RBFOX2: variants seen among roughly 807,000 people sequenced by gnomAD.
The protein encoded by RBFOX2 is RNA binding protein fox-1 homolog 2.
RBFOX2 carries 10 observed loss-of-function variants against 49.1 expected under a neutral mutation model. The observed-to-expected ratio is 0.20, with a 90% confidence interval of 0.13 to 0.35. The LOEUF (loss-of-function observed/expected upper bound fraction) is 0.35, where lower values mean the gene tolerates loss of function less well. Ranked by LOEUF, RBFOX2 falls within the 10% of genes least tolerant of loss-of-function variation. The probability of loss-of-function intolerance (pLI) is 1.00; values close to 1 mark genes in which losing one functional copy is unlikely to be tolerated. For synonymous variants in RBFOX2, 183 were observed against 187.4 expected (o/e 0.98, Z 0.19); for missense variants, 323 against 486.9 (o/e 0.66, Z 3.17).
chr22:35,804,222 G>A lies in RBFOX2; in HGVS notation c.252+5558C>T, dbSNP rs905082840. On this transcript the variant is annotated intron_variant, in intron 2 of 11. Transcript: ENST00000405409. ...GAACCTGGGAGGCAGAGGTTGTACT[G>A]AGCCGAGATTGCACCACTGCACTCC... Among the ~76,000 whole-genome samples the A allele has an allele frequency of 2.6e-5, 4 of 152,012 alleles. No homozygotes were observed. The South Asian group carries it at 6.2e-4, about 24-fold the overall frequency.
intron 1 of RBFOX2, among the ~76,000 whole-genome samples, chr22:35,930,948 G>C (rs1239573192): frequency 1.3e-5 from 2 of 152,194 alleles, no homozygotes; most frequent in Non-Finnish European, 2.9e-5. Context: ...ATATTACTTA[G>C]CATGGCAGTG....
upstream of RBFOX2, chr22:35,938,975 TCA>T (rs1235885495): frequency 7.4e-7 from 1 of 1,358,136 alleles, no homozygotes; most frequent in Non-Finnish European, 1.1e-6. Context: ...TCCAAACTGA[TCA>T]AATATAAATT....
In RBFOX2 at chr22:35,977,552, G is replaced by A. The variant is rs910881872; in HGVS notation, c.187-38655C>T. 1.8e-4 allele frequency among the ~76,000 whole-genome samples: 27 copies of A among 151,814 alleles called. 1 individual carries two copies. Among genetic ancestry groups the A allele is most frequent in the South Asian group, 1.3e-3 (6 of 4,768 alleles). On this transcript the variant is annotated intron_variant, in intron 1 of 13. Coordinates refer to the RBFOX2 transcript ENST00000438146. ...CAGTGATGCCAGTGGCTGCGGATGCGAAGAGAGAACTAACTGTGAAAGAGC... is the reference window on the plus strand; with the variant it reads ...CAGTGATGCCAGTGGCTGCGGATGCAAAGAGAGAACTAACTGTGAAAGAGC...
intron 1 of RBFOX2, among the ~76,000 whole-genome samples, chr22:35,976,761 A>AC (rs1352680861): frequency 1.3e-5 from 2 of 152,144 alleles, no homozygotes; most frequent in Non-Finnish European, 2.9e-5. Flanking sequence ...TCAGGAGTTC[A>AC]AGGCCAGCCT....
intron 1 of RBFOX2, among the ~76,000 whole-genome samples, chr22:35,901,996 C>T (rs1041935756): frequency 5.3e-5 from 8 of 152,038 alleles, no homozygotes; most frequent in African/African-American, 1.9e-4. Context: ...AGGAGAATCG[C>T]TTGAACCCTA....
chr22:35,788,011 C>G (rs1403423913), intron 2 of RBFOX2, among the ~76,000 whole-genome samples: 1 of 152,180 alleles, frequency 6.6e-6, no homozygotes, highest in Non-Finnish European at 1.5e-5. Context: ...ATCAACACTG[C>G]ACAGGAGGTC....
Position 35,889,933 on chromosome 22 carries a change from C to A in RBFOX2, c.-34+48914G>T, listed in dbSNP as rs114946526. ...AACTTTCACAGATTATCTCTATAAT[C>A]TCTTGGTCCCATTTTAAAGATTAGG... On this transcript the variant is annotated intron_variant, in intron 1 of 13. Transcript: ENST00000359369. 2.6e-3 allele frequency among the ~76,000 whole-genome samples: 396 copies of A among 152,252 alleles called. 5 individuals are homozygous for A. Among genetic ancestry groups the A allele is most frequent in the African/African-American group, 9.3e-3 (387 of 41,522 alleles).
At chr22:35,777,912 G>T in intron 4 of RBFOX2, 113 bp downstream of exon 5, 1 of 1,081,914 alleles carries the variant, frequency 9.2e-7, no homozygotes, top group Non-Finnish European at 1.3e-6. Flanking sequence ...TGGATAATTA[G>T]GATACTTTTA....
rs1405894434 is a variant in RBFOX2, at chr22:35,749,700, A to C, written c.888-3139T>G. On this transcript the variant is annotated intron_variant, in intron 9 of 11. Coordinates refer to ENST00000405409, the Ensembl canonical transcript of RBFOX2. The surrounding 1 kb of genome is among the most constrained non-coding windows in gnomAD (Gnocchi z 4.1). ...GCTTTCACTCTTACTAGCAAATCTA[A>C]AGGCTTTTATAAAACATGAGAACAA... Among the ~76,000 whole-genome samples, 1 of 152,226 alleles carries C rather than the reference A, an allele frequency of 6.6e-6. No individual in the cohort carries two copies. Among genetic ancestry groups the C allele is most frequent in the Non-Finnish European group, 1.5e-5 (1 of 68,044 alleles).
chr22:35,943,651 C>G (rs949094147), upstream of RBFOX2, among the ~76,000 whole-genome samples: 3 of 152,176 alleles, frequency 2.0e-5, no homozygotes, highest in African/African-American at 7.2e-5. Flanking sequence ...GTAATCCCAG[C>G]ACTTTGCGAG....
In RBFOX2 at chr22:36,015,065, C is replaced by A. The variant is rs2058981248; in HGVS notation, c.186+13175G>T. Among the ~76,000 whole-genome samples the A allele has an allele frequency of 2.0e-5, 3 of 152,120 alleles. No individual in the cohort carries two copies. The South Asian group carries it at 6.2e-4, about 32-fold the overall frequency. ...TGTCTATAATGAGTAATGAACAGCA[C>A]CTGGGAATGGAGAGGCGCTAGCTAA... On this transcript the variant is annotated intron_variant, in intron 1 of 13. Transcript: ENST00000438146.
chr22:35,855,854 A>G (rs1267026801), intron 1 of RBFOX2, among the ~76,000 whole-genome samples: 1 of 152,016 alleles, frequency 6.6e-6, no homozygotes, highest in East Asian at 2.0e-4. Context: ...GCAAAGCTCC[A>G]TCTCTACCCA....
At chr22:35,812,350 A>G (rs999475073) in intron 1 of RBFOX2, among the ~76,000 whole-genome samples, 4 of 151,884 alleles carry the variant, frequency 2.6e-5, no homozygotes, top group African/African-American at 9.7e-5. Context: ...GAAAAAGTCT[A>G]TCTTCGTCAC....
intron 1 of RBFOX2, among the ~76,000 whole-genome samples, chr22:35,920,832 T>C (rs1351063473): frequency 6.6e-6 from 1 of 152,196 alleles, no homozygotes; most frequent in Non-Finnish European, 1.5e-5. Context: ...TTACACAATA[T>C]GATTGACATC....
chr22:35,952,366 C>G (rs1409941201), intron 1 of RBFOX2, among the ~76,000 whole-genome samples: 2 of 152,132 alleles, frequency 1.3e-5, no homozygotes, highest in African/African-American at 4.8e-5. Flanking sequence ...ATTCACTGGA[C>G]CTAGGGTAGT....
At chr22:36,017,920 C>T (rs2059105454) in intron 1 of RBFOX2, among the ~76,000 whole-genome samples, 1 of 152,200 alleles carries the variant, frequency 6.6e-6, no homozygotes, top group Non-Finnish European at 1.5e-5. Context: ...TTTTCAGAGA[C>T]CCCTCTCTCA....
chr22:36,008,094 T>C (rs867226352), intron 1 of RBFOX2, among the ~76,000 whole-genome samples: 3 of 152,196 alleles, frequency 2.0e-5, no homozygotes, highest in Non-Finnish European at 4.4e-5. Flanking sequence ...TAGACATTGA[T>C]AAATACTTCT....
chr22:35,932,172 T>C (rs1442954833), intron 1 of RBFOX2, among the ~76,000 whole-genome samples: 6 of 152,130 alleles, frequency 3.9e-5, no homozygotes, highest in African/African-American at 1.4e-4. Context: ...AAAGTAGTCA[T>C]CATTTCTTCA....
At chr22:35,809,852 T>C (rs760492191) in exon 2 of RBFOX2, 3 of 1,613,772 alleles carry the variant, frequency 1.9e-6, no homozygotes, top group East Asian at 2.2e-5. Context: ...TTCCGTAGAG[T>C]GTCAGGTTAT....
Sources: allele counts gnomAD v4.1 joint callset (sites outside exome capture counted in the v4.1 genomes callset), GRCh38; gene constraint gnomAD v4.1.1; non-coding constraint Gnocchi (gnomAD v3.1); transcripts MANE v1.5; gene names NCBI Gene and HGNC (gene_info 2026-07-23, HGNC 2026-07-21).